Variants in CDH4 observed in about 807,000 individuals in gnomAD.
CDH4 encodes the protein cadherin 4.
In CDH4, 33 loss-of-function variants were observed where a neutral mutation model predicts 86.0. That is an observed-to-expected ratio of 0.38 (90% CI 0.29 to 0.51). The LOEUF (loss-of-function observed/expected upper bound fraction) is 0.51, where lower values mean the gene tolerates loss of function less well. Among genes scored for constraint, CDH4 ranks in the 20% least tolerant of loss-of-function variants. CDH4 has a pLI of 0.86. For missense variants in CDH4, 1,114 were observed against 1,307.4 expected (o/e 0.85, Z 2.28); for synonymous variants, 555 against 549.4 (o/e 1.01, Z -0.14).
intron 2 of CDH4, among the ~76,000 whole-genome samples, chr20:61,374,690 G>A (rs997238942): frequency 5.3e-5 from 8 of 152,202 alleles, no homozygotes; most frequent in Non-Finnish European, 1.2e-4. Flanking sequence ...TGGGCCTTGA[G>A]TGGAGTTCGG....
intron 2 of CDH4, among the ~76,000 whole-genome samples, chr20:61,383,348 A>AATATATATGG (rs2084919881): frequency 6.2e-5 from 3 of 48,642 alleles, no homozygotes; most frequent in Non-Finnish European, 1.3e-4. Flanking sequence ...GATATATATG[A>AATATATATGG]ATATATATGG....
intron 2 of CDH4, among the ~76,000 whole-genome samples, chr20:61,329,530 G>GCTCT (rs751108762): frequency 6.7e-6 from 1 of 149,416 alleles, no homozygotes; most frequent in African/African-American, 2.5e-5. Flanking sequence ...GAGGGCTCTT[G>GCTCT]CTCTCTCTCT....
intron 2 of CDH4, among the ~76,000 whole-genome samples, chr20:61,302,564 G>A (rs938488271): frequency 6.6e-6 from 1 of 152,066 alleles, no homozygotes; most frequent in African/African-American, 2.4e-5. Flanking sequence ...GTGGGGGCAG[G>A]GAATCGGCAT....
At chr20:61,871,039 ATGTGTGTGTG>A (rs10590544) in intron 6 of CDH4, among the ~76,000 whole-genome samples, 6 of 149,860 alleles carry the variant, frequency 4.0e-5, no homozygotes, top group East Asian at 2.0e-4. Flanking sequence ...TATTTATAGG[ATGTGTGTGTG>A]TGTGTGTGTG....
chr20:61,880,473 GC>G (rs1984228306), intron 7 of CDH4, among the ~76,000 whole-genome samples: 1 of 152,104 alleles, frequency 6.6e-6, no homozygotes, highest in Admixed American at 6.5e-5. Flanking sequence ...TCTCCCCTCC[GC>G]CCCCTCCCAA....
intron 2 of CDH4, chr20:61,740,408 C>T (rs1445777481): frequency 6.6e-6 from 1 of 152,202 alleles, no homozygotes; most frequent in Non-Finnish European, 1.5e-5. Context: ...AGTTTCCAAA[C>T]AGATTGTTCA....
chr20:61,434,370 A>G (rs1324975263), intron 2 of CDH4, among the ~76,000 whole-genome samples: 1 of 152,008 alleles, frequency 6.6e-6, no homozygotes, highest in Non-Finnish European at 1.5e-5. Flanking sequence ...TTCATTTGCA[A>G]CTCTAAGCCC....
intron 7 of CDH4, among the ~76,000 whole-genome samples, chr20:61,876,278 G>A (rs79981707): frequency 0.013 from 2,011 of 152,340 alleles, 25 homozygotes; most frequent in Non-Finnish European, 0.022. Flanking sequence ...GACGGGGAAA[G>A]CACAGGGGCC....
At chr20:61,856,074 A>G (rs990907704) in intron 6 of CDH4, among the ~76,000 whole-genome samples, 1 of 152,194 alleles carries the variant, frequency 6.6e-6, no homozygotes, top group African/African-American at 2.4e-5. Context: ...CGGTCTTCCC[A>G]GGACTTGGAA....
At chr20:61,334,978 T>C (rs1161290261) in intron 2 of CDH4, among the ~76,000 whole-genome samples, 3 of 152,230 alleles carry the variant, frequency 2.0e-5, no homozygotes, top group Non-Finnish European at 4.4e-5. Flanking sequence ...CTCCAAAGAC[T>C]TCTCAGTAAG....
At chr20:61,462,294 C>G (rs571162215) in intron 2 of CDH4, among the ~76,000 whole-genome samples, 46 of 152,318 alleles carry the variant, frequency 3.0e-4, no homozygotes, top group African/African-American at 1.1e-3. Context: ...TTCAGTGGTA[C>G]AAACCCAATG....
At chr20:61,499,565 T>A in intron 2 of CDH4, 1 of 1,247,346 alleles carries the variant, frequency 8.0e-7, no homozygotes, top group Non-Finnish European at 1.0e-6. Flanking sequence ...GCCCTGATGC[T>A]TCAGACAGTG....
At chr20:61,256,992 C>T (rs1157926575) in intron 2 of CDH4, among the ~76,000 whole-genome samples, 3 of 152,212 alleles carry the variant, frequency 2.0e-5, no homozygotes, top group Admixed American at 6.5e-5. Flanking sequence ...TCTCTGTACG[C>T]AGAGTACTTT....
At chr20:61,424,482 T>G (rs1391060377) in intron 2 of CDH4, among the ~76,000 whole-genome samples, 1 of 151,608 alleles carries the variant, frequency 6.6e-6, no homozygotes, top group South Asian at 2.1e-4. Flanking sequence ...TATCCACACA[T>G]AGCACACACA....
At chr20:61,281,359 C>T (rs2084257903) in intron 2 of CDH4, among the ~76,000 whole-genome samples, 1 of 152,234 alleles carries the variant, frequency 6.6e-6, no homozygotes, top group Admixed American at 6.5e-5. Context: ...CCCAGAGAGG[C>T]CTGCTTCTCC....
chr20:61,709,603 T>TA lies in CDH4; in HGVS notation c.170-33959dup, dbSNP rs397731412. 9.2e-5 allele frequency among the ~76,000 whole-genome samples: 14 copies of TA among 151,868 alleles called. No individual in the cohort carries two copies. The highest frequency in any genetic ancestry group is 2.1e-4 in the South Asian group (1 of 4,796). On this transcript the variant is annotated intron_variant, in intron 2 of 15. Transcript: ENST00000614565. This position sits in a 1 kb window ranked among gnomAD's most constrained non-coding sequence, Gnocchi z 4.8. ...TTTTGAATGACAATTTTTTTTTTTT[T>TA]ATCGCTGGCTAATCACAGAGTGAGC...
intron 2 of CDH4, among the ~76,000 whole-genome samples, chr20:61,662,458 C>T (rs66488967): frequency 0.27 from 40,485 of 152,082 alleles, 6,729 homozygotes; most frequent in African/African-American, 0.48. Context: ...CTTGGGAGGA[C>T]GAGGGCGGCT....
At chr20:61,726,081 C>G (rs2145919287) in intron 2 of CDH4, among the ~76,000 whole-genome samples, 1 of 152,118 alleles carries the variant, frequency 6.6e-6, no homozygotes, top group African/African-American at 2.4e-5. Context: ...CCCCAGCCAC[C>G]ACGACCAGGG....
chr20:61,409,402 C>T (rs1235222356), intron 2 of CDH4, among the ~76,000 whole-genome samples: 3 of 152,228 alleles, frequency 2.0e-5, no homozygotes, highest in Non-Finnish European at 2.9e-5. Context: ...ATTTCAAGAA[C>T]AGACCAACTC....
Sources: gnomAD v4.1 joint callset for allele counts (sites outside exome capture counted in the v4.1 genomes callset) on GRCh38, gnomAD v4.1.1 for gene constraint, Gnocchi (gnomAD v3.1) non-coding constraint, MANE v1.5 for transcripts, NCBI Gene and HGNC (gene_info 2026-07-23, HGNC 2026-07-21) for gene names.